ARHGAP21: variants seen among roughly 807,000 people sequenced by gnomAD.
ARHGAP21 encodes Rho GTPase activating protein 21, also known as rho GTPase-activating protein 21.
Under a neutral mutation model 164.6 loss-of-function variants are expected in ARHGAP21, and 38 were observed. The ratio of observed to expected loss-of-function variants is 0.23; its 90% CI spans 0.18 to 0.30. ARHGAP21 has a LOEUF of 0.30. Ranked by LOEUF, ARHGAP21 falls within the 10% of genes least tolerant of loss-of-function variation. The pLI is 1.00. For missense variants in ARHGAP21, 1,822 were observed against 2,370.7 expected (o/e 0.77, Z 4.81); for synonymous variants, 766 against 857.9 (o/e 0.89, Z 1.87).
chr10:24,647,185 G>C (rs1593153452), intron 4 of ARHGAP21, among the ~76,000 whole-genome samples: 1 of 152,242 alleles, frequency 6.6e-6, no homozygotes, highest in African/African-American at 2.4e-5. Flanking sequence ...CCTAGAAATG[G>C]AACTTCTGAC....
chr10:24,600,880 C>A lies in ARHGAP21; in HGVS notation c.2898G>T (p.Arg966=). ...CTTTGTACAGGTAAAGTGAATGACC[C>A]CGAAGGACAACATACATCTGTTTCC... ...RPWKQMYVVL[R]GHSLYLYKDK... The change falls in exon 14 of 26, where the codon CGG becomes CGT. Residue 966 remains arginine (R), a synonymous_variant. Transcript: ENST00000396432. 6.2e-7 allele frequency: 1 copy of A among 1,614,160 alleles called. No homozygotes were observed. Among genetic ancestry groups the A allele is most frequent in the Admixed American group, 1.7e-5 (1 of 60,026 alleles).
chr10:24,615,666 G>A (rs566140922), intron 9 of ARHGAP21, among the ~76,000 whole-genome samples: 15 of 152,102 alleles, frequency 9.9e-5, no homozygotes, highest in Non-Finnish European at 1.3e-4. Context: ...TCCATAAAAC[G>A]GGTTATTAAT....
chr10:24,656,185 G>A (rs1359642001), intron 4 of ARHGAP21, among the ~76,000 whole-genome samples: 11 of 137,044 alleles, frequency 8.0e-5, no homozygotes, highest in Non-Finnish European at 1.4e-4. Context: ...CCCCCCGCCC[G>A]GCCAGCCGCC....
chr10:24,620,793 C>G lies in ARHGAP21; in HGVS notation c.1102G>C (p.Ala368Pro). 1 of 1,614,156 alleles carries G rather than the reference C, an allele frequency of 6.2e-7. No homozygotes were observed. Among genetic ancestry groups the G allele is most frequent in the Non-Finnish European group, 8.5e-7 (1 of 1,180,020 alleles). ...ISSSRSQAVE[A>P]PSVSVNHYSP... is the part of the protein sequence containing the mutation. ...TAGTGATTAACAGATACAGAGGGAGCCTCCACAGCTTGAGATCTGCTGCTT... is the reference window on the plus strand; with the variant it reads ...TAGTGATTAACAGATACAGAGGGAGGCTCCACAGCTTGAGATCTGCTGCTT... The change falls in exon 9 of 26, where the codon GCT (alanine) becomes CCT (proline). Residue 368 changes from alanine to proline, a missense_variant. Transcript: ENST00000396432.
At position 24,634,915 on chromosome 10, in the gene ARHGAP21, G is replaced by T. The variant is rs973004966; in HGVS notation, c.361+96C>A. The T allele has an allele frequency of 4.3e-6, 4 of 922,468 alleles. No individual in the cohort carries two copies. The African/African-American group carries it at 6.7e-5, about 16-fold the overall frequency. The allele number at this position is 922,468 out of a possible 1,614,324, so 57.1% of individuals were successfully genotyped here. A position where few individuals can be genotyped will look rare whatever the true frequency, so the allele number is the denominator to read the frequency against. ...GTGAAGGAAAAGGAAGAAGCATACA[G>T]AAAGATACAAAAGGAAAAAATATCG... On this transcript the variant is annotated intron_variant, in intron 5 of 25. Transcript: ENST00000396432.
At chr10:24,597,785 G>A (rs554576264) in intron 15 of ARHGAP21, among the ~76,000 whole-genome samples, 160 bp downstream of exon 15, 9 of 152,056 alleles carry the variant, frequency 5.9e-5, no homozygotes, top group African/African-American at 1.4e-4. Flanking sequence ...TACACTACCC[G>A]CCCATTACTA....
intron 2 of ARHGAP21, among the ~76,000 whole-genome samples, chr10:24,671,318 G>C (rs138948003): frequency 2.6e-4 from 39 of 152,238 alleles, no homozygotes; most frequent in African/African-American, 8.9e-4. Flanking sequence ...AACCTCAAGA[G>C]AGCCTTTAGT....
chr10:24,635,254 G>A (rs1836255593), intron 4 of ARHGAP21, 151 bp from the exon 5 acceptor site: 1 of 509,832 alleles, frequency 2.0e-6, no homozygotes, highest in Non-Finnish European at 3.4e-6. Context: ...TATAATGTAG[G>A]GGTTTTCATT....
chr10:24,585,983 C>T lies in ARHGAP21; in HGVS notation c.4306G>A (p.Glu1436Lys). 6.2e-7 allele frequency: 1 copy of T among 1,614,106 alleles called. No individual in the cohort carries two copies. The highest frequency in any genetic ancestry group is 1.1e-5 in the South Asian group (1 of 91,048). Reference sequence around the variant, plus strand: ...TTCTTAAAAAATACATTGTCCAGTTCATCTTCTGAGCTGCTAGGCTGTGCT... The same window carrying T: ...TTCTTAAAAAATACATTGTCCAGTTTATCTTCTGAGCTGCTAGGCTGTGCT... ...EKAQPSSSED[E>K]LDNVFFKKEN... The change falls in exon 26 of 26, where the codon GAA becomes AAA. Residue 1436 changes from glutamate (E) to lysine (K), a missense_variant. Glu to Lys is a moderately conservative substitution (Grantham distance 56). Coordinates refer to ENST00000396432, the MANE Select transcript of ARHGAP21 (RefSeq NM_020824.4).
At chr10:24,723,041 C>G (rs2132381209) in intron 1 of ARHGAP21, 1 of 152,204 alleles carries the variant, frequency 6.6e-6, no homozygotes, top group Admixed American at 6.5e-5. Context: ...CCCACGATTC[C>G]CCCGCCCCTT....
intron 21 of ARHGAP21, among the ~76,000 whole-genome samples, chr10:24,594,484 T>A (rs2076486949): frequency 2.0e-5 from 3 of 151,686 alleles, no homozygotes; most frequent in Admixed American, 1.3e-4. Flanking sequence ...TAATATAATT[T>A]AAAAAAAAGA....
chr10:24,699,915 T>C (rs184652430), intron 2 of ARHGAP21, among the ~76,000 whole-genome samples: 2 of 152,328 alleles, frequency 1.3e-5, no homozygotes, highest in Admixed American at 6.5e-5. Flanking sequence ...TCACAAAATA[T>C]TCAACTAACG....
At chr10:24,710,340 C>T (rs1844659503) in intron 2 of ARHGAP21, among the ~76,000 whole-genome samples, 1 of 152,130 alleles carries the variant, frequency 6.6e-6, no homozygotes. Flanking sequence ...TTCCCTGTGC[C>T]ACAACATTCT....
rs1110020 is a variant in ARHGAP21, at chr10:24,585,405, A to G, written c.4884T>C (p.Ser1628=). The change falls in exon 26 of 26, where the codon AGT becomes AGC. Residue 1628 remains serine (S), a synonymous_variant. Coordinates refer to ENST00000396432, the MANE Select transcript of ARHGAP21 (RefSeq NM_020824.4). ...TGTCGGTTTCCACAGGCCGCCCTTCACTGATGAGTTCGCTTCTCTCGTCAT... is the reference window on the plus strand; with the variant it reads ...TGTCGGTTTCCACAGGCCGCCCTTCGCTGATGAGTTCGCTTCTCTCGTCAT... ...EADDERSELI[S]EGRPVETDSE... The G allele has an allele frequency of 6.2e-7, 1 of 1,614,004 alleles. No homozygotes were observed. Among genetic ancestry groups the G allele is most frequent in the African/African-American group, 1.3e-5 (1 of 74,998 alleles).
At chr10:24,629,266 G>C (rs1244265706) in intron 7 of ARHGAP21, 2 of 151,462 alleles carry the variant, frequency 1.3e-5, no homozygotes, top group Non-Finnish European at 2.9e-5. Flanking sequence ...GCCTCCCAAA[G>C]TGCTGGGATT....
At chr10:24,668,013 A>T (rs2131745999) in intron 3 of ARHGAP21, among the ~76,000 whole-genome samples, 1 of 152,328 alleles carries the variant, frequency 6.6e-6, no homozygotes, top group Admixed American at 6.5e-5. Flanking sequence ...TAGCATTAAT[A>T]GCTAAAATTT....
chr10:24,655,812 C>T (rs1246388360), intron 4 of ARHGAP21, among the ~76,000 whole-genome samples: 13 of 130,626 alleles, frequency 1.0e-4, no homozygotes, highest in Admixed American at 6.8e-4. Context: ...AAGTGAGGAG[C>T]GTCTCTGCCC....
intron 9 of ARHGAP21, among the ~76,000 whole-genome samples, chr10:24,612,727 C>T (rs534881664): frequency 6.6e-5 from 10 of 152,164 alleles, no homozygotes; most frequent in Admixed American, 3.9e-4. Flanking sequence ...TGGTGGCGGA[C>T]GCCTATAGTC....
chr10:24,635,441 G>A (rs1395179732), intron 4 of ARHGAP21, among the ~76,000 whole-genome samples: 2 of 152,160 alleles, frequency 1.3e-5, no homozygotes, highest in Admixed American at 6.5e-5. Context: ...GGAAACTGAA[G>A]CTTAGAGGGA....
Sources: gnomAD v4.1 joint callset for allele counts (sites outside exome capture counted in the v4.1 genomes callset) on GRCh38, gnomAD v4.1.1 for gene constraint, MANE v1.5 for transcripts, NCBI Gene and HGNC (gene_info 2026-07-23, HGNC 2026-07-21) for gene names.